The following UBR4 variants were observed in gnomAD, a reference collection of about 807,000 sequenced individuals.
UBR4 encodes ubiquitin protein ligase E3 component n-recognin 4, also known as E3 ubiquitin-protein ligase UBR4.
UBR4 carries 124 observed loss-of-function variants against 575.6 expected under a neutral mutation model. The ratio of observed to expected loss-of-function variants is 0.22; its 90% CI spans 0.19 to 0.25. The LOEUF (loss-of-function observed/expected upper bound fraction) is 0.25, where lower values mean the gene tolerates loss of function less well. Among genes scored for constraint, UBR4 ranks in the 10% least tolerant of loss-of-function variants. UBR4 has a pLI of 1.00. For synonymous variants in UBR4, 2,455 were observed against 2,473.7 expected (o/e 0.99, Z 0.22); for missense variants, 4,818 against 6,478.8 (o/e 0.74, Z 8.80).
intron 87 of UBR4, 101 bp downstream of exon 87, chr1:19,103,983 C>G: frequency 7.3e-7 from 1 of 1,364,840 alleles, no homozygotes. Context: ...TGTTTGCCAC[C>G]CCTCCTCTGG....
chr1:19,171,583 G>T (rs1249004823), intron 25 of UBR4, among the ~76,000 whole-genome samples: 1 of 152,200 alleles, frequency 6.6e-6, no homozygotes. Flanking sequence ...GCTCACACCT[G>T]TAATCCCAGC....
intron 60 of UBR4, among the ~76,000 whole-genome samples, chr1:19,137,650 C>T (rs561293410): frequency 3.1e-4 from 47 of 152,234 alleles, no homozygotes; most frequent in Non-Finnish European, 4.9e-4. Context: ...GAGCCTCCAG[C>T]GGTGCCATTT....
intron 74 of UBR4, 64 bp from the exon 75 acceptor site, chr1:19,115,013 A>G: frequency 6.2e-7 from 1 of 1,603,990 alleles, no homozygotes; most frequent in Non-Finnish European, 8.5e-7. Flanking sequence ...GGTCACTCTG[A>G]GGAAATGGAT....
At chr1:19,147,520 CA>C (rs2085035483) in intron 51 of UBR4, among the ~76,000 whole-genome samples, 1 of 152,164 alleles carries the variant, frequency 6.6e-6, no homozygotes, top group African/African-American at 2.4e-5. Context: ...TCTCCTTTGG[CA>C]ATGCCTTTCT....
chr1:19,087,149 T>C (rs973793991), intron 99 of UBR4, among the ~76,000 whole-genome samples: 12 of 152,284 alleles, frequency 7.9e-5, no homozygotes, highest in African/African-American at 2.9e-4. Flanking sequence ...AAGTGACTTC[T>C]TGATATTCCC....
intron 55 of UBR4, among the ~76,000 whole-genome samples, chr1:19,143,215 AAAGGAAGGAAGGAAGGAAGGCAGG>A (rs1186145877): frequency 3.4e-5 from 4 of 119,214 alleles, no homozygotes; most frequent in Admixed American, 1.8e-4. Flanking sequence ...GGAAGGAAAG[AAAGGAAGGAAGGAAGGAAGGCAGG>A]AAGGAAGGAA....
At chr1:19,132,330 C>T (rs926685978) in intron 60 of UBR4, among the ~76,000 whole-genome samples, 8 of 151,782 alleles carry the variant, frequency 5.3e-5, no homozygotes, top group South Asian at 4.2e-4. Flanking sequence ...TACAGGTGCA[C>T]GCCACCACAC....
chr1:19,196,005 C>G (rs1361454995), intron 8 of UBR4, among the ~76,000 whole-genome samples: 1 of 149,398 alleles, frequency 6.7e-6, no homozygotes, highest in Non-Finnish European at 1.5e-5. Context: ...CACACACACA[C>G]ACACACACAC....
intron 76 of UBR4, 37 bp downstream of exon 76, chr1:19,113,908 A>C: frequency 6.2e-7 from 1 of 1,614,172 alleles, no homozygotes; most frequent in Non-Finnish European, 8.5e-7. Flanking sequence ...TCAAGACCCA[A>C]GCCCTTATCC....
chr1:19,167,601 G>C (rs1380677307), intron 28 of UBR4, among the ~76,000 whole-genome samples: 1 of 151,984 alleles, frequency 6.6e-6, no homozygotes, highest in African/African-American at 2.4e-5. Context: ...TCACTTTTAG[G>C]GCAATACAAT....
Position 19,114,671 on chromosome 1 carries a change from C to T in UBR4, c.11202+140G>A, listed in dbSNP as rs920314443. 3 of 1,072,216 alleles carry T rather than the reference C, an allele frequency of 2.8e-6. No individual in the cohort carries two copies. The African/African-American group carries it at 4.7e-5, about 17-fold the overall frequency. The allele number at this position is 1,072,216 out of a possible 1,614,324, so 66.4% of individuals were successfully genotyped here. A position where few individuals can be genotyped will look rare whatever the true frequency, so the allele number is the denominator to read the frequency against. ...TATACCTCATGCCATTCTTTGCTCC[C>T]ACCCAAAAGCTGGGCCCTGAAACTG... On this transcript the variant is annotated intron_variant, in intron 75 of 105. Coordinates refer to ENST00000375254, the MANE Select transcript of UBR4 (RefSeq NM_020765.3).
intron 52 of UBR4, 37 bp from the exon 53 acceptor site, chr1:19,145,970 T>C (rs779301789): frequency 1.2e-6 from 2 of 1,612,758 alleles, no homozygotes; most frequent in Non-Finnish European, 1.7e-6. Flanking sequence ...CGATGGTAAA[T>C]CTGAGATGGA....
chr1:19,176,819 T>G, intron 19 of UBR4, 92 bp from the exon 20 acceptor site: 2 of 1,407,392 alleles, frequency 1.4e-6, no homozygotes, highest in Admixed American at 4.3e-5. Flanking sequence ...ACACTGAATC[T>G]TGGTAATCTG....
chr1:19,127,542 T>A, intron 63 of UBR4, 81 bp downstream of exon 63: 1 of 1,048,448 alleles, frequency 9.5e-7, no homozygotes, highest in Non-Finnish European at 1.5e-6. Context: ...TACAGAGGAC[T>A]ACCACCTCTG....
In UBR4 at chr1:19,081,334, G is replaced by A; in HGVS notation, c.15233+15C>T. 3.2e-6 allele frequency: 5 copies of A among 1,557,528 alleles called. No individual in the cohort carries two copies. Among genetic ancestry groups the A allele is most frequent in the Non-Finnish European group, 4.3e-6 (5 of 1,154,124 alleles). ...GGGAAATAGTGAGCAGCAGCTTCCG[G>A]AAGCAGGTACTGACCTGGTGGCTCC... On this transcript the variant is annotated intron_variant, in intron 103 of 105. Transcript: ENST00000375254.
Position 19,139,273 on chromosome 1 carries a change from C to A in UBR4, c.8594-53G>T. On this transcript the variant is annotated intron_variant, in intron 58 of 105. Coordinates refer to ENST00000375254, the MANE Select transcript of UBR4 (RefSeq NM_020765.3). This position sits in a 1 kb window ranked among gnomAD's most constrained non-coding sequence, Gnocchi z 4.2. ...GTTAAAAAACAAACAAACAAACAAA[C>A]AAACAAAAAACAAAAAAAACCCCTC... The A allele has an allele frequency of 1.3e-6, 2 of 1,528,250 alleles. No individual in the cohort carries two copies. Among genetic ancestry groups the A allele is most frequent in the Admixed American group, 2.0e-5 (1 of 49,262 alleles). The allele number at this position is 1,528,250 out of a possible 1,614,324, so 94.7% of individuals were successfully genotyped here. A position where few individuals can be genotyped will look rare whatever the true frequency, so the allele number is the denominator to read the frequency against.
chr1:19,200,475 C>T (rs1558022323), intron 2 of UBR4, among the ~76,000 whole-genome samples: 3 of 151,948 alleles, frequency 2.0e-5, no homozygotes, highest in Non-Finnish European at 1.5e-5. Flanking sequence ...ATAATCCCAG[C>T]ACTTCGGGAG....
chr1:19,132,391 A>C (rs2082588761), intron 60 of UBR4, among the ~76,000 whole-genome samples: 1 of 151,986 alleles, frequency 6.6e-6, no homozygotes, highest in African/African-American at 2.4e-5. Context: ...TATGTTGAGC[A>C]GGCTGGTTTT....
intron 71 of UBR4, 107 bp from the exon 72 acceptor site, chr1:19,118,017 C>A (rs1467957177): frequency 2.8e-5 from 29 of 1,038,264 alleles, no homozygotes; most frequent in Non-Finnish European, 4.0e-5. Context: ...CCAAAGTGAG[C>A]CCAAAGTGAG....
Sources: gnomAD v4.1 joint callset for allele counts (sites outside exome capture counted in the v4.1 genomes callset) on GRCh38, gnomAD v4.1.1 for gene constraint, Gnocchi (gnomAD v3.1) non-coding constraint, MANE v1.5 for transcripts, NCBI Gene and HGNC (gene_info 2026-07-23, HGNC 2026-07-21) for gene names.